CACNA1A: variants seen among roughly 807,000 people sequenced by gnomAD.
CACNA1A encodes voltage-dependent P/Q-type calcium channel subunit alpha-1A.
Under a neutral mutation model 262.4 loss-of-function variants are expected in CACNA1A, and 57 were observed. The ratio of observed to expected loss-of-function variants is 0.22; its 90% CI spans 0.18 to 0.27. The LOEUF (loss-of-function observed/expected upper bound fraction) is 0.27, where lower values mean the gene tolerates loss of function less well. Among genes scored for constraint, CACNA1A ranks in the 10% least tolerant of loss-of-function variants. CACNA1A has a pLI of 1.00. For synonymous variants in CACNA1A, 1,431 were observed against 1,419.3 expected (o/e 1.01, Z -0.18); for missense variants, 2,526 against 3,562.8 (o/e 0.71, Z 7.41).
intron 1 of CACNA1A, among the ~76,000 whole-genome samples, chr19:13,474,383 A>C (rs550480029): frequency 6.6e-6 from 1 of 152,352 alleles, no homozygotes; most frequent in South Asian, 2.1e-4. Flanking sequence ...GATTCCCATA[A>C]GACTCAAGGA....
chr19:13,431,966 G>A (rs1475472578), intron 3 of CACNA1A, among the ~76,000 whole-genome samples: 1 of 151,730 alleles, frequency 6.6e-6, no homozygotes. Flanking sequence ...TTAGCTGGGC[G>A]TGGTGGTGCA....
chr19:13,308,190 T>C lies in CACNA1A; in HGVS notation c.1843A>G (p.Ser615Gly). Residue 615 changes from serine (S) to glycine (G), a missense_variant, in exon 14 of 47, where the codon AGC becomes GGC. Physicochemically the swap from Ser to Gly is moderately conservative, Grantham distance 56. Coordinates refer to ENST00000360228, the MANE Select transcript of CACNA1A (RefSeq NM_001127222.2). The surrounding 1 kb of genome is among the most constrained non-coding windows in gnomAD (Gnocchi z 4.2). ...SLLNSMKSII[S>G]LLFLLFLFIV... ...AACAGGAAAAGGAGAAACAACAGGC[T>C]GATGATGGACTTCATGGAGTTGAGG... 1 of 1,613,924 alleles carries C rather than the reference T, an allele frequency of 6.2e-7. No homozygotes were observed. Among genetic ancestry groups the C allele is most frequent in the South Asian group, 1.1e-5 (1 of 91,064 alleles).
chr19:13,273,993 C>T (rs1194834330), intron 24 of CACNA1A: 2 of 151,840 alleles, frequency 1.3e-5, no homozygotes, highest in African/African-American at 4.8e-5. Flanking sequence ...AGCAATCTGC[C>T]TGTCTCAGCC....
At chr19:13,494,219 G>T (rs1036679723) in intron 1 of CACNA1A, among the ~76,000 whole-genome samples, 1 of 152,258 alleles carries the variant, frequency 6.6e-6, no homozygotes, top group Non-Finnish European at 1.5e-5. Context: ...AAAGGTATGG[G>T]ATGAAATACA....
At chr19:13,208,622 G>A (rs919433053) in intron 46 of CACNA1A, 134 bp downstream of exon 46, 4 of 1,164,322 alleles carry the variant, frequency 3.4e-6, no homozygotes, top group Non-Finnish European at 4.7e-6. Flanking sequence ...CGGTGGCTTG[G>A]GGGCAGGATG....
chr19:13,214,446 C>T lies in CACNA1A; in HGVS notation c.5839+55G>A, dbSNP rs1463991160. On this transcript the variant is annotated intron_variant, in intron 39 of 46. Coordinates refer to ENST00000360228, the MANE Select transcript of CACNA1A (RefSeq NM_001127222.2). This position sits in a 1 kb window ranked among gnomAD's most constrained non-coding sequence, Gnocchi z 4.1. ...CACTCTCCCCAGGCCTCCCCTTTCC[C>T]TCCCCCTCCATCTGTCCTGGTGGAT... 1.3e-6 allele frequency: 2 copies of T among 1,558,030 alleles called. No homozygotes were observed. Among genetic ancestry groups the T allele is most frequent in the African/African-American group, 1.4e-5 (1 of 73,788 alleles).
In CACNA1A at chr19:13,334,364, T is replaced by A; in HGVS notation, c.1198+14A>T. ...GGATCTCCATCCCTGGGCCCCAGGA[T>A]GAAAGGGCCTCACCTGCTTTTGAGA... On this transcript the variant is annotated intron_variant, in intron 8 of 46. Coordinates refer to ENST00000360228, the MANE Select transcript of CACNA1A (RefSeq NM_001127222.2). 1 of 1,346,274 alleles carries A rather than the reference T, an allele frequency of 7.4e-7. No homozygotes were observed. The highest frequency in any genetic ancestry group is 1.2e-5 in the South Asian group (1 of 85,718). 83.4% of individuals were successfully genotyped at this position (1,346,274 alleles called of 1,614,324 possible).
At chr19:13,247,122 CAA>C (rs1282494333) in intron 30 of CACNA1A, among the ~76,000 whole-genome samples, 1 of 152,186 alleles carries the variant, frequency 6.6e-6, no homozygotes, top group Non-Finnish European at 1.5e-5. Context: ...ACCCAAAACA[CAA>C]AACACAGGGC....
intron 3 of CACNA1A, among the ~76,000 whole-genome samples, chr19:13,379,564 A>C (rs1372988541): frequency 6.6e-6 from 1 of 152,076 alleles, no homozygotes; most frequent in East Asian, 1.9e-4. Context: ...GGATGAAGGG[A>C]GTGGTGACAT....
At chr19:13,483,386 A>ATT (rs1346325934) in intron 1 of CACNA1A, among the ~76,000 whole-genome samples, 4 of 152,078 alleles carry the variant, frequency 2.6e-5, no homozygotes, top group African/African-American at 9.7e-5. Context: ...CACCTTTAAG[A>ATT]AGACTGCTCT....
intron 3 of CACNA1A, among the ~76,000 whole-genome samples, chr19:13,378,645 C>CATTTATTT (rs148141236): frequency 4.3e-4 from 64 of 149,108 alleles, no homozygotes; most frequent in African/African-American, 1.5e-3. Flanking sequence ...AGTAATAAAA[C>CATTTATTT]ATTTATTTAT....
chr19:13,250,205 A>G (rs906218174), intron 30 of CACNA1A, among the ~76,000 whole-genome samples: 2 of 150,784 alleles, frequency 1.3e-5, no homozygotes, highest in Non-Finnish European at 3.0e-5. Context: ...GATTACAGGC[A>G]CACGCCACCA....
intron 6 of CACNA1A, among the ~76,000 whole-genome samples, chr19:13,346,688 T>C: frequency 1.1e-5 from 1 of 94,086 alleles, no homozygotes; most frequent in African/African-American, 4.2e-5. Flanking sequence ...TTTTTTTTTT[T>C]TTTTTTTTTG....
rs755440575 is a variant in CACNA1A, at chr19:13,286,679, T to C, written c.3377A>G (p.Asn1126Ser). ...GGGATTGGATGGGTTCCCCGGGTTG[T>C]TGGGCGTCCGGCGGCTGGCGGCGTT... ...PQNAASRRTP[N>S]NPGNPSNPGP... The change falls in exon 20 of 47, where the codon AAC (asparagine) becomes AGC (serine). Residue 1126 changes from asparagine to serine, a missense_variant. Physicochemically the swap from Asn to Ser is conservative, Grantham distance 46. Coordinates refer to ENST00000360228, the MANE Select transcript of CACNA1A (RefSeq NM_001127222.2). The C allele has an allele frequency of 3.8e-5, 60 of 1,567,632 alleles. No homozygotes were observed. Among genetic ancestry groups the C allele is most frequent in the Non-Finnish European group, 4.9e-5 (57 of 1,155,852 alleles).
At chr19:13,210,507 G>A in intron 44 of CACNA1A, 110 bp downstream of exon 44, 1 of 976,756 alleles carries the variant, frequency 1.0e-6, no homozygotes, top group East Asian at 2.7e-5. Context: ...GATTGCCAAA[G>A]AAAGGGTGGG....
chr19:13,339,375 G>C (rs2058636551), intron 6 of CACNA1A, among the ~76,000 whole-genome samples: 1 of 152,102 alleles, frequency 6.6e-6, no homozygotes, highest in South Asian at 2.1e-4. Flanking sequence ...GGCTGGGGGA[G>C]GGGGAACAGG....
chr19:13,347,458 C>T (rs1007881008), intron 6 of CACNA1A, among the ~76,000 whole-genome samples: 1 of 152,156 alleles, frequency 6.6e-6, no homozygotes, highest in Non-Finnish European at 1.5e-5. Context: ...TCACCACCCT[C>T]TAACACTATC....
chr19:13,335,151 C>T (rs951560012), intron 7 of CACNA1A, among the ~76,000 whole-genome samples: 4 of 152,120 alleles, frequency 2.6e-5, no homozygotes, highest in East Asian at 1.9e-4. Context: ...TTATTTCAGC[C>T]CTCTTTTAAG....
At chr19:13,294,916 C>T (rs2057630418) in intron 19 of CACNA1A, among the ~76,000 whole-genome samples, 2 of 152,182 alleles carry the variant, frequency 1.3e-5, no homozygotes, top group Non-Finnish European at 2.9e-5. Flanking sequence ...CATCAATGCA[C>T]CTTCAATTTC....
Sources: gnomAD v4.1 joint callset for allele counts (sites outside exome capture counted in the v4.1 genomes callset) on GRCh38, gnomAD v4.1.1 for gene constraint, Gnocchi (gnomAD v3.1) non-coding constraint, MANE v1.5 for transcripts, NCBI Gene and HGNC (gene_info 2026-07-23, HGNC 2026-07-21) for gene names.